DENND1A: variants seen among roughly 807,000 people sequenced by gnomAD.
DENND1A encodes the protein DENN domain-containing protein 1A.
In DENND1A, 51 loss-of-function variants were observed where a neutral mutation model predicts 113.7. That is an observed-to-expected ratio of 0.45 (90% CI 0.36 to 0.57). DENND1A has a LOEUF of 0.57. Ranked by LOEUF, DENND1A falls within the 20% of genes least tolerant of loss-of-function variation. DENND1A has a pLI of 0.00. For missense variants in DENND1A, 1,258 were observed against 1,395.9 expected, an observed-to-expected ratio of 0.90 and a Z score of 1.57; for synonymous variants, 565 against 570.8, an observed-to-expected ratio of 0.99 and a Z score of 0.14.
intron 13 of DENND1A, among the ~76,000 whole-genome samples, chr9:123,517,492 G>A (rs559017991): frequency 1.6e-4 from 25 of 151,674 alleles, no homozygotes; most frequent in African/African-American, 5.6e-4. Flanking sequence ...ATGGTGGTGC[G>A]CCTGAATTCC....
At chr9:123,785,012 A>G (rs1831905280) in intron 3 of DENND1A, among the ~76,000 whole-genome samples, 1 of 152,104 alleles carries the variant, frequency 6.6e-6, no homozygotes, top group Non-Finnish European at 1.5e-5. Context: ...GAAATGGACA[A>G]AAACTCAGCA....
At chr9:123,903,160 A>G (rs1230698) in intron 1 of DENND1A, among the ~76,000 whole-genome samples, 42,912 of 149,668 alleles carry the variant, frequency 0.29, 9,926 homozygotes, top group African/African-American at 0.64. Context: ...GTGAAACCCC[A>G]TCTCTACTAA....
chr9:123,438,037 ATC>A (rs1376113959), intron 19 of DENND1A, among the ~76,000 whole-genome samples: 1 of 152,228 alleles, frequency 6.6e-6, no homozygotes, highest in Admixed American at 6.5e-5. Context: ...AAAGAAAACT[ATC>A]AAGTAAAGAA....
chr9:123,848,811 T>TGATTGCTGATACATGAAAG (rs1842963822), intron 2 of DENND1A, among the ~76,000 whole-genome samples: 1 of 152,202 alleles, frequency 6.6e-6, no homozygotes, highest in East Asian at 1.9e-4. Flanking sequence ...TGAAACAGCC[T>TGATTGCTGATACATGAAAG]GATTGCTGAT....
chr9:123,481,425 T>A (rs1425833575), intron 13 of DENND1A, among the ~76,000 whole-genome samples: 1 of 152,204 alleles, frequency 6.6e-6, no homozygotes, highest in Non-Finnish European at 1.5e-5. Context: ...GAAGGACGCG[T>A]GCATTTACAG....
Position 123,413,566 on chromosome 9 carries a change from G to A in DENND1A, c.1489-1737C>T, listed in dbSNP as rs970022110. ...GTCCCTGGTGCTCTGCATGGAACCT[G>A]TCGGGGCAGCCTGAGGGGAAAGCGG... is the stretch of plus-strand genomic sequence containing the variant. On this transcript the variant is annotated intron_variant, in intron 19 of 23. Transcript: ENST00000394215. 9 of 985,400 alleles carry A rather than the reference G, an allele frequency of 9.1e-6. No individual in the cohort carries two copies. In the South Asian group the frequency reaches 2.3e-4, roughly 26 times the overall value. The allele number at this position is 985,400 out of a possible 1,614,324, so 61.0% of individuals were successfully genotyped here.
chr9:123,464,536 A>G (rs995765359), intron 13 of DENND1A, among the ~76,000 whole-genome samples: 3 of 152,208 alleles, frequency 2.0e-5, no homozygotes, highest in African/African-American at 7.2e-5. Flanking sequence ...AGGGTAGTCA[A>G]ACTCACAGAG....
At chr9:123,601,877 A>G (rs1299033586) in intron 11 of DENND1A, among the ~76,000 whole-genome samples, 1 of 152,216 alleles carries the variant, frequency 6.6e-6, no homozygotes, top group Admixed American at 6.5e-5. Context: ...CTCTGGAGGA[A>G]TATGGGGCCA....
chr9:123,587,010 G>A (rs112234961), intron 11 of DENND1A, among the ~76,000 whole-genome samples: 4,195 of 151,952 alleles, frequency 0.028, 97 homozygotes, highest in Non-Finnish European at 0.036. Flanking sequence ...TTCCCAGGTG[G>A]ATCGGCAGGT....
chr9:123,430,507 G>C (rs1175286055), intron 19 of DENND1A, among the ~76,000 whole-genome samples: 4 of 152,176 alleles, frequency 2.6e-5, no homozygotes, highest in Admixed American at 2.6e-4. Flanking sequence ...AAGAAATGAG[G>C]TCATGTCCTT....
At chr9:123,926,414 A>C (rs1445055949) in intron 1 of DENND1A, among the ~76,000 whole-genome samples, 1 of 152,082 alleles carries the variant, frequency 6.6e-6, no homozygotes, top group Non-Finnish European at 1.5e-5. Flanking sequence ...CCAAATAAAG[A>C]AAATTAGCCA....
chr9:123,428,750 C>G (rs537571740), intron 19 of DENND1A, among the ~76,000 whole-genome samples: 1 of 151,966 alleles, frequency 6.6e-6, no homozygotes, highest in Non-Finnish European at 1.5e-5. Context: ...CATTCCTATA[C>G]ACAAAGCAGA....
chr9:123,732,887 C>T (rs2068278487), intron 5 of DENND1A, among the ~76,000 whole-genome samples: 1 of 152,160 alleles, frequency 6.6e-6, no homozygotes, highest in Non-Finnish European at 1.5e-5. Context: ...GGCCATAGTG[C>T]TTTCTCAAAG....
chr9:123,726,778 T>C (rs1178555537), intron 5 of DENND1A, among the ~76,000 whole-genome samples: 6 of 152,342 alleles, frequency 3.9e-5, no homozygotes, highest in South Asian at 2.1e-4. Flanking sequence ...TGAAAACCTA[T>C]AATGTCTATA....
At chr9:123,676,279 C>G (rs1220801365) in intron 6 of DENND1A, among the ~76,000 whole-genome samples, 1 of 152,202 alleles carries the variant, frequency 6.6e-6, no homozygotes, top group Non-Finnish European at 1.5e-5. Context: ...GAAATGGGAA[C>G]TCAGGACAGC....
intron 13 of DENND1A, among the ~76,000 whole-genome samples, chr9:123,541,761 A>G (rs2056304378): frequency 6.6e-6 from 1 of 152,254 alleles, no homozygotes; most frequent in South Asian, 2.1e-4. Flanking sequence ...AGGGCAGGAA[A>G]GATGCACAGA....
intron 4 of DENND1A, among the ~76,000 whole-genome samples, chr9:123,767,540 A>G (rs1829020974): frequency 6.6e-6 from 1 of 152,222 alleles, no homozygotes; most frequent in African/African-American, 2.4e-5. Flanking sequence ...TAGAATTATC[A>G]CTTAAGGACT....
In DENND1A at chr9:123,652,292, A is replaced by G. The variant is rs2139421983; in HGVS notation, c.508-169T>C. 4 of 580,686 alleles carry G rather than the reference A, an allele frequency of 6.9e-6. No homozygotes were observed. The South Asian group carries it at 8.7e-5, about 13-fold the overall frequency. The allele number at this position is 580,686 out of a possible 1,614,324, so 36.0% of individuals were successfully genotyped here. On this transcript the variant is annotated intron_variant, in intron 8 of 23. Transcript: ENST00000394215. ...AAATCCCCACATGTGTAAAATCATG[A>G]AGGGTAAAGTTGGAAGACACCTTAC...
At chr9:123,836,857 C>T (rs1469547233) in intron 2 of DENND1A, among the ~76,000 whole-genome samples, 2 of 151,964 alleles carry the variant, frequency 1.3e-5, no homozygotes, top group African/African-American at 4.8e-5. Context: ...AGATAATTTA[C>T]AAAAATAGTA....
Sources: allele counts gnomAD v4.1 joint callset (sites outside exome capture counted in the v4.1 genomes callset), GRCh38; gene constraint gnomAD v4.1.1; transcripts MANE v1.5; gene names NCBI Gene and HGNC (gene_info 2026-07-23, HGNC 2026-07-21).